Variants in DLG2 observed in about 807,000 individuals in gnomAD.
DLG2 encodes the protein discs large MAGUK scaffold protein 2, also known as disks large homolog 2.
A neutral mutation model predicts 132.5 loss-of-function variants in DLG2; 45 were observed. The ratio of observed to expected loss-of-function variants is 0.34; its 90% CI spans 0.27 to 0.44. The LOEUF (loss-of-function observed/expected upper bound fraction) is 0.44. Among genes scored for constraint, DLG2 ranks in the 20% least tolerant of loss-of-function variants. DLG2 has a pLI of 1.00. For missense variants in DLG2, 1,045 were observed against 1,196.9 expected, an observed-to-expected ratio of 0.87 and a Z score of 1.87; for synonymous variants, 424 against 419.6, an observed-to-expected ratio of 1.01 and a Z score of -0.13.
intron 6 of DLG2, among the ~76,000 whole-genome samples, chr11:84,849,303 T>A (rs1337296154): frequency 6.6e-6 from 1 of 152,160 alleles, no homozygotes; most frequent in Non-Finnish European, 1.5e-5. Flanking sequence ...TATACAACAA[T>A]AAAACGTGAA....
chr11:85,510,727 T>C (rs1383196478), intron 3 of DLG2, among the ~76,000 whole-genome samples: 2 of 152,134 alleles, frequency 1.3e-5, no homozygotes, highest in African/African-American at 2.4e-5. Flanking sequence ...AAACAATAGG[T>C]GCTGGAAAGG....
intron 19 of DLG2, among the ~76,000 whole-genome samples, chr11:83,604,797 C>A (rs911205242): frequency 6.6e-6 from 1 of 151,976 alleles, no homozygotes; most frequent in African/African-American, 2.4e-5. Flanking sequence ...TGCTGTGAAC[C>A]TAAAACTGCT....
At chr11:84,104,562 C>T (rs988247582) in intron 9 of DLG2, among the ~76,000 whole-genome samples, 1 of 151,912 alleles carries the variant, frequency 6.6e-6, no homozygotes, top group Admixed American at 6.6e-5. Flanking sequence ...CATGAACCCC[C>T]AGAATCTAAA....
At chr11:85,622,282 A>G (rs1421158568) in intron 2 of DLG2, among the ~76,000 whole-genome samples, 2 of 152,196 alleles carry the variant, frequency 1.3e-5, no homozygotes, top group African/African-American at 4.8e-5. Context: ...ATACCGTAGT[A>G]TACAATATAT....
At chr11:83,901,265 T>G (rs1186917456) in intron 15 of DLG2, among the ~76,000 whole-genome samples, 1 of 152,034 alleles carries the variant, frequency 6.6e-6, no homozygotes, top group Non-Finnish European at 1.5e-5. Context: ...CTGAAATGAG[T>G]TAAGAATTTG....
intron 11 of DLG2, 109 bp from the exon 12 acceptor site, chr11:83,980,751 A>T: frequency 6.6e-6 from 7 of 1,063,768 alleles, no homozygotes; most frequent in South Asian, 2.0e-5. Flanking sequence ...TCCTCAACTT[A>T]TTGTAACAGC....
intron 6 of DLG2, among the ~76,000 whole-genome samples, chr11:85,107,114 T>G (rs188543327): frequency 1.3e-5 from 2 of 152,138 alleles, no homozygotes; most frequent in Non-Finnish European, 2.9e-5. Context: ...TATTTGAGAA[T>G]TTTTCACTTA....
intron 7 of DLG2, among the ~76,000 whole-genome samples, chr11:84,384,906 C>A (rs1342629046): frequency 6.6e-6 from 1 of 152,090 alleles, no homozygotes; most frequent in Non-Finnish European, 1.5e-5. Context: ...TCAAAGGCAA[C>A]TTTAACTGAG....
At chr11:84,373,984 T>A (rs2098719268) in intron 7 of DLG2, among the ~76,000 whole-genome samples, 1 of 152,192 alleles carries the variant, frequency 6.6e-6, no homozygotes, top group Non-Finnish European at 1.5e-5. Context: ...TCTTGATACT[T>A]TACATGAACA....
At chr11:83,977,911 T>C (rs946742268) in intron 12 of DLG2, among the ~76,000 whole-genome samples, 2 of 152,114 alleles carry the variant, frequency 1.3e-5, no homozygotes, top group Non-Finnish European at 2.9e-5. Context: ...TCTGTGTGCC[T>C]ATCTTTCTGT....
At chr11:84,457,050 A>G (rs1164013580) in intron 7 of DLG2, among the ~76,000 whole-genome samples, 1 of 151,272 alleles carries the variant, frequency 6.6e-6, no homozygotes, top group Non-Finnish European at 1.5e-5. Context: ...TTGCAAAACA[A>G]CAGGTTAAGC....
At chr11:85,027,460 G>A (rs958002396) in intron 6 of DLG2, among the ~76,000 whole-genome samples, 27 of 152,212 alleles carry the variant, frequency 1.8e-4, no homozygotes, top group African/African-American at 4.6e-4. Flanking sequence ...TATTGCTCGC[G>A]CCCACAGGGC....
intron 7 of DLG2, among the ~76,000 whole-genome samples, chr11:84,381,751 A>C (rs1007446944): frequency 3.9e-5 from 6 of 152,194 alleles, no homozygotes; most frequent in African/African-American, 1.4e-4. Flanking sequence ...TGATTAACTA[A>C]ATCAGAAAGA....
At position 83,514,394 on chromosome 11, in the gene DLG2, T is replaced by C. The variant is rs1212586814; in HGVS notation, c.2193+18314A>G. Among the ~76,000 whole-genome samples, 4 of 152,354 alleles carry C rather than the reference T, an allele frequency of 2.6e-5. No individual in the cohort carries two copies. The East Asian group carries it at 7.7e-4, about 29-fold the overall frequency. ...ACATTGATTTTGTATCCTGAGACTT[T>C]GCTGAAGTTGCTTATGAGCTTAAGG... On this transcript the variant is annotated intron_variant, in intron 21 of 27. Transcript: ENST00000376104.
chr11:84,728,793 T>C (rs916045822), intron 6 of DLG2, among the ~76,000 whole-genome samples: 1 of 152,184 alleles, frequency 6.6e-6, no homozygotes, highest in Admixed American at 6.5e-5. Context: ...ATTCAGGGAT[T>C]CAACTTCTTC....
intron 7 of DLG2, among the ~76,000 whole-genome samples, chr11:84,458,022 A>G (rs1361804454): frequency 6.6e-6 from 1 of 150,884 alleles, no homozygotes; most frequent in East Asian, 1.9e-4. Flanking sequence ...ATGATAGTAA[A>G]TTGGTATATT....
intron 20 of DLG2, 32 bp from the exon 21 acceptor site, chr11:83,532,815 C>T (rs77658778): frequency 8.8e-5 from 139 of 1,583,076 alleles, no homozygotes; most frequent in East Asian, 7.9e-4. Context: ...GAGTCTCTCA[C>T]GTGACAAGGC....
intron 6 of DLG2, among the ~76,000 whole-genome samples, chr11:84,800,880 G>C (rs1163166582): frequency 6.6e-6 from 1 of 152,168 alleles, no homozygotes; most frequent in African/African-American, 2.4e-5. Flanking sequence ...AGAGGGACTA[G>C]AAAATTTACA....
In DLG2 at chr11:84,989,993, A is replaced by G. The variant is rs369409854; in HGVS notation, c.357+121668T>C. On this transcript the variant is annotated intron_variant, in intron 6 of 27. Transcript: ENST00000376104. ...TTAAAACCAAAATTACAATCCATAA[A>G]AAGAAAAATTAACAAATTAGACTTC... Among the ~76,000 whole-genome samples, 5 of 152,328 alleles carry G rather than the reference A, an allele frequency of 3.3e-5. No individual in the cohort carries two copies. In the South Asian group the frequency reaches 1.0e-3, roughly 32 times the overall value.
Sources: gnomAD v4.1 joint callset for allele counts (sites outside exome capture counted in the v4.1 genomes callset) on GRCh38, gnomAD v4.1.1 for gene constraint, MANE v1.5 for transcripts, NCBI Gene and HGNC (gene_info 2026-07-23, HGNC 2026-07-21) for gene names.